The following TTC28 variants were observed in gnomAD, a reference collection of about 807,000 sequenced individuals.
TTC28 encodes the protein tetratricopeptide repeat domain 28.
A neutral mutation model predicts 198.0 loss-of-function variants in TTC28; 61 were observed. That is an observed-to-expected ratio of 0.31 (90% CI 0.25 to 0.38). The LOEUF (loss-of-function observed/expected upper bound fraction) is 0.38, where lower values mean the gene tolerates loss of function less well. Among genes scored for constraint, TTC28 ranks in the 10% least tolerant of loss-of-function variants. TTC28 has a pLI of 1.00. For missense variants in TTC28, 2,678 were observed against 3,164.0 expected (o/e 0.85, Z 3.69); for synonymous variants, 1,171 against 1,297.8 (o/e 0.90, Z 2.10).
At chr22:28,372,584 T>C (rs1017179256) in intron 2 of TTC28, among the ~76,000 whole-genome samples, 9 of 152,118 alleles carry the variant, frequency 5.9e-5, no homozygotes, top group Non-Finnish European at 1.3e-4. Context: ...CTGATGTCTA[T>C]TTGTTCCAAG....
rs1053787291 is a variant in TTC28 at position 28,107,483 on chromosome 22, T to C, written c.2362A>G (p.Ser788Gly). Residue 788 changes from serine to glycine, a missense_variant, in exon 7 of 23, where the codon AGT becomes GGT. Transcript: ENST00000397906. ...TQELEVYQEL[S>G]DLPGECRAHG... is the part of the protein sequence containing the mutation. Reference sequence around the variant, plus strand: ...GCTCTGCACTCCCCTGGCAAGTCACTCAGCTCCTGATATACCTCCAGTTCC... The same window carrying C: ...GCTCTGCACTCCCCTGGCAAGTCACCCAGCTCCTGATATACCTCCAGTTCC... 3.9e-6 allele frequency: 6 copies of C among 1,551,616 alleles called. No homozygotes were observed. In the Admixed American group the frequency reaches 5.9e-5, roughly 15 times the overall value.
intron 13 of TTC28, among the ~76,000 whole-genome samples, chr22:28,023,085 G>GA (rs1414950084): frequency 2.0e-5 from 3 of 152,242 alleles, no homozygotes; most frequent in Admixed American, 6.5e-5. Context: ...GCCCAGGAAT[G>GA]AATCTGGAGC....
At chr22:28,214,882 C>G (rs1411966194) in intron 5 of TTC28, among the ~76,000 whole-genome samples, 4 of 152,124 alleles carry the variant, frequency 2.6e-5, no homozygotes, top group African/African-American at 9.7e-5. Flanking sequence ...GGAACCAACC[C>G]AAATGTCCAT....
intron 2 of TTC28, among the ~76,000 whole-genome samples, chr22:28,563,930 AAT>A (rs1033669198): frequency 1.3e-5 from 2 of 152,234 alleles, no homozygotes; most frequent in Non-Finnish European, 2.9e-5. Flanking sequence ...AATGAATTGT[AAT>A]ATACACACAC....
At chr22:28,138,001 G>A (rs1403306678) in intron 6 of TTC28, among the ~76,000 whole-genome samples, 1 of 151,990 alleles carries the variant, frequency 6.6e-6, no homozygotes, top group Admixed American at 6.5e-5. Context: ...GGTGACAAGA[G>A]CGAAACTCCG....
chr22:28,405,658 G>T (rs529788246), intron 2 of TTC28, among the ~76,000 whole-genome samples: 1 of 152,278 alleles, frequency 6.6e-6, no homozygotes, highest in South Asian at 2.1e-4. Flanking sequence ...ATTTCCCATG[G>T]AATTTACAGG....
intron 5 of TTC28, among the ~76,000 whole-genome samples, chr22:28,290,657 A>G (rs1042652108): frequency 4.6e-5 from 7 of 152,164 alleles, no homozygotes; most frequent in African/African-American, 4.8e-5. Flanking sequence ...CATGCCTATA[A>G]TCCCAGCACT....
intron 2 of TTC28, among the ~76,000 whole-genome samples, chr22:28,391,347 T>C (rs2046716496): frequency 6.6e-6 from 1 of 152,160 alleles, no homozygotes; most frequent in Non-Finnish European, 1.5e-5. Context: ...GAGGAGTATC[T>C]TTGTGGCGTT....
At chr22:28,590,168 C>G (rs957396123) in intron 2 of TTC28, among the ~76,000 whole-genome samples, 1 of 148,510 alleles carries the variant, frequency 6.7e-6, no homozygotes, top group South Asian at 2.2e-4. Flanking sequence ...CTCTCTGTCG[C>G]CCAGGCTGGA....
chr22:28,320,968 T>C (rs904982989), intron 2 of TTC28, among the ~76,000 whole-genome samples: 1 of 152,254 alleles, frequency 6.6e-6, no homozygotes. Context: ...ACATGAAGAA[T>C]GTGTTCTTTG....
At chr22:28,231,422 G>A (rs1928795483) in intron 5 of TTC28, among the ~76,000 whole-genome samples, 1 of 152,160 alleles carries the variant, frequency 6.6e-6, no homozygotes, top group Admixed American at 6.5e-5. Context: ...GATTGAGCCT[G>A]GAGTCCTATT....
intron 5 of TTC28, among the ~76,000 whole-genome samples, chr22:28,193,265 T>C (rs1024371483): frequency 2.0e-4 from 31 of 152,112 alleles, no homozygotes; most frequent in South Asian, 6.2e-4. Flanking sequence ...CAGGCCTGCC[T>C]TACAAGAGCT....
intron 5 of TTC28, among the ~76,000 whole-genome samples, chr22:28,187,243 G>A (rs1300140424): frequency 1.3e-5 from 2 of 152,098 alleles, no homozygotes; most frequent in Non-Finnish European, 2.9e-5. Context: ...ATAGAGAAAT[G>A]CAAAATAAAG....
chr22:28,430,579 C>T (rs2047416003), intron 2 of TTC28, among the ~76,000 whole-genome samples: 1 of 152,094 alleles, frequency 6.6e-6, no homozygotes, highest in South Asian at 2.1e-4. Flanking sequence ...TGGGCTTATG[C>T]ATGAAACAAT....
chr22:28,459,235 T>C (rs2047911363), intron 2 of TTC28, among the ~76,000 whole-genome samples: 1 of 152,012 alleles, frequency 6.6e-6, no homozygotes, highest in Non-Finnish European at 1.5e-5. Context: ...GAGACCAGCC[T>C]GGGAAACATG....
chr22:28,629,456 T>C (rs1483978866), intron 2 of TTC28, 96 bp downstream of exon 2: 1 of 1,219,554 alleles, frequency 8.2e-7, no homozygotes, highest in African/African-American at 1.5e-5. Flanking sequence ...ATTAAAATAT[T>C]AGTAAGTACA....
intron 2 of TTC28, among the ~76,000 whole-genome samples, chr22:28,528,727 C>A (rs2145889420): frequency 1.4e-5 from 2 of 139,320 alleles, no homozygotes; most frequent in South Asian, 2.3e-4. Flanking sequence ...CAGAGCAAGA[C>A]CCTGTCTCAT....
Position 27,998,793 on chromosome 22 carries a change from C to T in TTC28, c.4866G>A (p.Val1622=), listed in dbSNP as rs1340190119. Residue 1622 remains valine (V), a synonymous_variant, in exon 16 of 23, where the codon GTG becomes GTA. Coordinates refer to ENST00000397906, the MANE Select transcript of TTC28 (RefSeq NM_001145418.2). ...LDLQLPVKLV[V]LGSSQESNSK... is the part of the protein sequence containing the mutation. ...TGTTGGACTCCTGGGAGGAGCCAAGCACCACCAGCTTCACAGGCAGCTGCA... is the reference window on the plus strand; with the variant it reads ...TGTTGGACTCCTGGGAGGAGCCAAGTACCACCAGCTTCACAGGCAGCTGCA... The T allele has an allele frequency of 1.9e-6, 3 of 1,550,678 alleles. No individual in the cohort carries two copies. The South Asian group carries it at 3.6e-5, about 18-fold the overall frequency.
chr22:28,001,712 T>C (rs373841715), intron 14 of TTC28, 159 bp from the exon 15 acceptor site: 3 of 814,854 alleles, frequency 3.7e-6, no homozygotes, highest in East Asian at 2.7e-5. Context: ...GTTGCAGCCC[T>C]GCAGGAGCGG....
Sources: gnomAD v4.1 joint callset for allele counts (sites outside exome capture counted in the v4.1 genomes callset) on GRCh38, gnomAD v4.1.1 for gene constraint, MANE v1.5 for transcripts, NCBI Gene and HGNC (gene_info 2026-07-23, HGNC 2026-07-21) for gene names.